The following CADM2 variants were observed in gnomAD, a reference collection of about 807,000 sequenced individuals.
CADM2 encodes cell adhesion molecule 2, also known as immunoglobulin superfamily member 4D.
A neutral mutation model predicts 49.8 loss-of-function variants in CADM2; 12 were observed. That is an observed-to-expected ratio of 0.24 (90% CI 0.15 to 0.39). The LOEUF (loss-of-function observed/expected upper bound fraction) is 0.39. Among genes scored for constraint, CADM2 ranks in the 10% least tolerant of loss-of-function variants. The pLI is 1.00. For synonymous variants in CADM2, 214 were observed against 175.4 expected (o/e 1.22, Z -1.74); for missense variants, 378 against 492.3 (o/e 0.77, Z 2.20).
intron 3 of CADM2, among the ~76,000 whole-genome samples, chr3:85,857,342 A>T (rs2075356029): frequency 6.6e-6 from 1 of 152,188 alleles, no homozygotes; most frequent in Non-Finnish European, 1.5e-5. Flanking sequence ...CATGCCAGGG[A>T]GTCAAGATAC....
In CADM2 at chr3:85,479,978, G is replaced by A. The variant is rs1278411950; in HGVS notation, c.62-246544G>A. On this transcript the variant is annotated intron_variant, in intron 1 of 9. Coordinates refer to ENST00000383699, the MANE Select transcript of CADM2 (RefSeq NM_001167675.2). ...CTGGTGGTGAGGGGATATAATATTA[G>A]GTGAAGTTTATGTATTTTATACTAT... Among the ~76,000 whole-genome samples, 4 of 151,802 alleles carry A rather than the reference G, an allele frequency of 2.6e-5. 1 individual carries two copies. The Admixed American group carries it at 2.6e-4, about 10-fold the overall frequency.
At chr3:85,738,050 C>G (rs2068218829) in intron 2 of CADM2, among the ~76,000 whole-genome samples, 1 of 152,288 alleles carries the variant, frequency 6.6e-6, no homozygotes, top group African/African-American at 2.4e-5. Flanking sequence ...CCTGAACAAT[C>G]ACCAAATAGT....
At chr3:85,958,450 T>C (rs980677600) in intron 7 of CADM2, among the ~76,000 whole-genome samples, 1 of 151,910 alleles carries the variant, frequency 6.6e-6, no homozygotes, top group African/African-American at 2.4e-5. Context: ...TTACTGGATA[T>C]ATACATAAAG....
At chr3:85,547,117 T>G (rs1443210839) in intron 1 of CADM2, among the ~76,000 whole-genome samples, 2 of 152,068 alleles carry the variant, frequency 1.3e-5, no homozygotes, top group South Asian at 2.1e-4. Context: ...ACATCAAAAT[T>G]ATTGAAATAA....
At chr3:85,903,995 T>C in intron 5 of CADM2, among the ~76,000 whole-genome samples, 1 of 152,138 alleles carries the variant, frequency 6.6e-6, no homozygotes, top group East Asian at 1.9e-4. Context: ...TTTTCTCTGG[T>C]TTTCTTTTAT....
At chr3:85,560,050 C>T (rs2062053885) in intron 1 of CADM2, among the ~76,000 whole-genome samples, 1 of 152,120 alleles carries the variant, frequency 6.6e-6, no homozygotes, top group Non-Finnish European at 1.5e-5. Flanking sequence ...TAATTCGCCC[C>T]TCTTCTAGTC....
chr3:85,400,501 T>G (rs1451162581), intron 1 of CADM2, among the ~76,000 whole-genome samples: 3 of 152,164 alleles, frequency 2.0e-5, no homozygotes, highest in Non-Finnish European at 4.4e-5. Flanking sequence ...TTTCTATTGA[T>G]TGGAGTAGTT....
At chr3:85,267,457 T>C (rs770963088) in intron 1 of CADM2, among the ~76,000 whole-genome samples, 1 of 151,778 alleles carries the variant, frequency 6.6e-6, no homozygotes, top group Non-Finnish European at 1.5e-5. Flanking sequence ...TACTCAAATG[T>C]CATCCTCCCA....
At chr3:85,013,302 G>C (rs2034085787) in intron 1 of CADM2, among the ~76,000 whole-genome samples, 1 of 151,938 alleles carries the variant, frequency 6.6e-6, no homozygotes, top group Non-Finnish European at 1.5e-5. Context: ...CTCCTGCTAT[G>C]CTCAAGCAGC....
At chr3:85,635,466 G>T (rs1477611199) in intron 1 of CADM2, among the ~76,000 whole-genome samples, 2 of 152,070 alleles carry the variant, frequency 1.3e-5, no homozygotes, top group Admixed American at 6.6e-5. Flanking sequence ...ACCTCCGATG[G>T]TATTTCGAAG....
intron 1 of CADM2, among the ~76,000 whole-genome samples, chr3:85,642,657 A>G (rs1054138657): frequency 1.3e-5 from 2 of 152,160 alleles, no homozygotes; most frequent in Non-Finnish European, 2.9e-5. Flanking sequence ...CCAAACTTTT[A>G]TATAGCTTTA....
At chr3:85,321,142 T>A (rs1473358284) in intron 1 of CADM2, among the ~76,000 whole-genome samples, 814 of 51,422 alleles carry the variant, frequency 0.016, 51 homozygotes, top group East Asian at 0.036. Flanking sequence ...TTTTTTTTTT[T>A]TTTTTTTTTT....
At chr3:86,065,151 T>C (rs888975937) in intron 8 of CADM2, among the ~76,000 whole-genome samples, 4 of 152,180 alleles carry the variant, frequency 2.6e-5, no homozygotes, top group Admixed American at 6.5e-5. Context: ...GGTGAATTAG[T>C]CAATTTCCAT....
At chr3:85,363,203 C>G (rs1019651215) in intron 1 of CADM2, among the ~76,000 whole-genome samples, 11 of 152,134 alleles carry the variant, frequency 7.2e-5, no homozygotes, top group African/African-American at 2.7e-4. Flanking sequence ...ACTTCATTCT[C>G]CTTGTATAGA....
In CADM2 at chr3:85,200,842, C is replaced by T. The variant is rs576894141; in HGVS notation, c.61+241174C>T. ...CAATTAACTCCAGTTCCTATAGCAACTTTTATTAGATAGAAAAATATCTCA... is the reference window on the plus strand; with the variant it reads ...CAATTAACTCCAGTTCCTATAGCAATTTTTATTAGATAGAAAAATATCTCA... On this transcript the variant is annotated intron_variant, in intron 1 of 9. Coordinates refer to ENST00000383699, the MANE Select transcript of CADM2 (RefSeq NM_001167675.2). Among the ~76,000 whole-genome samples the T allele has an allele frequency of 1.1e-4, 17 of 152,198 alleles. No individual in the cohort carries two copies. The South Asian group carries it at 2.7e-3, about 24-fold the overall frequency.
intron 1 of CADM2, among the ~76,000 whole-genome samples, chr3:85,144,835 A>T (rs2039689285): frequency 6.6e-6 from 1 of 152,216 alleles, no homozygotes; most frequent in Admixed American, 6.5e-5. Context: ...CAAGATAGAT[A>T]AATATAATCA....
chr3:85,932,994 A>T (rs1720785316), intron 6 of CADM2, among the ~76,000 whole-genome samples: 1 of 152,148 alleles, frequency 6.6e-6, no homozygotes, highest in Non-Finnish European at 1.5e-5. Context: ...TCAAGGGAAC[A>T]TTTGTTACAC....
intron 1 of CADM2, among the ~76,000 whole-genome samples, chr3:85,669,751 A>G (rs947198565): frequency 3.3e-5 from 5 of 152,170 alleles, no homozygotes; most frequent in African/African-American, 1.2e-4. Flanking sequence ...AATATAACCA[A>G]TACCCAGAAA....
intron 1 of CADM2, among the ~76,000 whole-genome samples, chr3:85,122,701 A>T (rs1316593469): frequency 6.6e-6 from 1 of 152,008 alleles, no homozygotes; most frequent in Non-Finnish European, 1.5e-5. Context: ...GAATTTTTGC[A>T]GCCACCTCAA....
Sources: gnomAD v4.1 joint callset for allele counts (sites outside exome capture counted in the v4.1 genomes callset) on GRCh38, gnomAD v4.1.1 for gene constraint, MANE v1.5 for transcripts, NCBI Gene and HGNC (gene_info 2026-07-23, HGNC 2026-07-21) for gene names.